Variants in TAFA4 observed in about 807,000 individuals in gnomAD.
TAFA4 encodes the protein TAFA chemokine like family member 4, also known as chemokine-like protein TAFA-4.
TAFA4 carries 20 observed loss-of-function variants against 21.1 expected under a neutral mutation model. The observed-to-expected ratio is 0.95, with a 90% CI of 0.67 to 1.38. The LOEUF (loss-of-function observed/expected upper bound fraction) is 1.38, where lower values mean the gene tolerates loss of function less well. Ranked by LOEUF, TAFA4 falls within the 40% of genes most tolerant of loss-of-function variation. The pLI, the probability that TAFA4 is intolerant of heterozygous loss-of-function variation, is 0.00. For synonymous variants in TAFA4, 71 were observed against 67.4 expected (o/e 1.05, Z -0.26); for missense variants, 211 against 180.9 (o/e 1.17, Z -0.95).
intron 3 of TAFA4, among the ~76,000 whole-genome samples, chr3:68,833,706 A>T (rs963093131): frequency 6.6e-6 from 1 of 152,180 alleles, no homozygotes; most frequent in Admixed American, 6.5e-5. Context: ...CTTAACTGAC[A>T]TCCACTCTTA....
chr3:68,810,853 T>C (rs981701127), intron 3 of TAFA4, among the ~76,000 whole-genome samples: 2 of 152,200 alleles, frequency 1.3e-5, no homozygotes, highest in Non-Finnish European at 1.5e-5. Context: ...GCTGGATATC[T>C]GAGAACGGAC....
intron 3 of TAFA4, among the ~76,000 whole-genome samples, chr3:68,820,432 A>T (rs1704088128): frequency 6.6e-6 from 1 of 152,106 alleles, no homozygotes; most frequent in Non-Finnish European, 1.5e-5. Context: ...CAATCTCAGC[A>T]CTTTGGGAGG....
intron 1 of TAFA4, among the ~76,000 whole-genome samples, chr3:68,924,038 T>C (rs945695650): frequency 2.6e-5 from 4 of 152,130 alleles, no homozygotes; most frequent in Non-Finnish European, 4.4e-5. Flanking sequence ...TACAATAAAA[T>C]GGCACAGCTA....
intron 1 of TAFA4, among the ~76,000 whole-genome samples, chr3:68,925,203 CTG>C (rs1559565357): frequency 6.6e-6 from 1 of 151,978 alleles, no homozygotes; most frequent in Non-Finnish European, 1.5e-5. Context: ...ATGGATATCT[CTG>C]TGTGTGCGTG....
At chr3:68,738,977 C>A in intron 5 of TAFA4, 98 bp downstream of exon 5, 1 of 1,524,434 alleles carries the variant, frequency 6.6e-7, no homozygotes, top group South Asian at 1.3e-5. Flanking sequence ...GGTTTATTAA[C>A]ACATAATAAT....
intron 1 of TAFA4, among the ~76,000 whole-genome samples, chr3:68,911,541 A>C (rs1022805676): frequency 1.3e-5 from 2 of 152,234 alleles, no homozygotes; most frequent in Non-Finnish European, 2.9e-5. Context: ...GCTCAAGGCC[A>C]CACAAATCGC....
chr3:68,860,099 T>C (rs1160292914), intron 3 of TAFA4, among the ~76,000 whole-genome samples: 2 of 152,108 alleles, frequency 1.3e-5, no homozygotes, highest in Admixed American at 6.6e-5. Context: ...AAATTACAAT[T>C]TGACAGAGTC....
chr3:68,740,412 A>G (rs1406097347), intron 4 of TAFA4, among the ~76,000 whole-genome samples: 1 of 152,200 alleles, frequency 6.6e-6, no homozygotes, highest in Non-Finnish European at 1.5e-5. Context: ...CTTAAAGTCA[A>G]TTACAAGAAG....
chr3:68,836,293 C>T (rs1214469738), intron 3 of TAFA4, among the ~76,000 whole-genome samples: 2 of 152,174 alleles, frequency 1.3e-5, no homozygotes, highest in Non-Finnish European at 2.9e-5. Context: ...TTTGCCAAAC[C>T]ACAGCTTTAC....
intron 3 of TAFA4, among the ~76,000 whole-genome samples, chr3:68,799,765 C>G (rs1255940467): frequency 1.2e-5 from 1 of 80,774 alleles, no homozygotes; most frequent in Non-Finnish European, 3.0e-5. Context: ...TGTCTCCAAC[C>G]CCTGGGCCAT....
intron 1 of TAFA4, among the ~76,000 whole-genome samples, chr3:68,899,802 C>T (rs1003643813): frequency 2.0e-5 from 3 of 152,024 alleles, no homozygotes. Flanking sequence ...CTAGTTTATG[C>T]CTTCAAGGTA....
chr3:68,882,195 G>C (rs2089626710), intron 2 of TAFA4, among the ~76,000 whole-genome samples: 1 of 152,054 alleles, frequency 6.6e-6, no homozygotes, highest in Non-Finnish European at 1.5e-5. Flanking sequence ...TTGCAATGCA[G>C]CAATAAAAAA....
intron 1 of TAFA4, among the ~76,000 whole-genome samples, chr3:68,886,504 T>A (rs934697584): frequency 4.6e-5 from 7 of 152,246 alleles, no homozygotes; most frequent in African/African-American, 1.7e-4. Context: ...GAACTCATCA[T>A]AATGAACTCC....
chr3:68,731,990 A>G lies in TAFA4; in HGVS notation c.*1152T>C, dbSNP rs1465817647. The G allele has an allele frequency of 2.6e-5, 4 of 152,366 alleles. No homozygotes were observed. The highest frequency in any genetic ancestry group is 1.3e-4 in the Admixed American group (2 of 15,274). The allele number at this position is 152,366 out of a possible 1,614,324, so 9.4% of individuals were successfully genotyped here. A position where few individuals can be genotyped will look rare whatever the true frequency, so the allele number is the denominator to read the frequency against. ...AACTATGTTTTTGGCATTTCTTAATATATAAAATTCATCCCATATTTTTAC... is the reference window on the plus strand; with the variant it reads ...AACTATGTTTTTGGCATTTCTTAATGTATAAAATTCATCCCATATTTTTAC... On this transcript the variant is annotated 3_prime_UTR_variant, in exon 6 of 6. Transcript: ENST00000295569.
intron 3 of TAFA4, among the ~76,000 whole-genome samples, chr3:68,766,391 A>ATGTGT (rs1702855506): frequency 6.6e-6 from 1 of 152,170 alleles, no homozygotes. Context: ...CATCAAATCC[A>ATGTGT]GGTAATAAGG....
chr3:68,861,030 A>ACCCCCCCCCCCCCC (rs113804738), intron 3 of TAFA4, among the ~76,000 whole-genome samples: 6 of 111,008 alleles, frequency 5.4e-5, no homozygotes, highest in African/African-American at 9.7e-5. Flanking sequence ...TTAAATATGC[A>ACCCCCCCCCCCCCC]CCCCCCCCCC....
chr3:68,821,020 C>G (rs1395335418), intron 3 of TAFA4, among the ~76,000 whole-genome samples: 1 of 152,204 alleles, frequency 6.6e-6, no homozygotes, highest in Admixed American at 6.5e-5. Flanking sequence ...TACCCACGGA[C>G]TTAGTAGTAT....
chr3:68,931,261 G>A (rs775500711), intron 1 of TAFA4, among the ~76,000 whole-genome samples: 2 of 152,050 alleles, frequency 1.3e-5, no homozygotes, highest in African/African-American at 4.8e-5. Flanking sequence ...GGATAAAGAC[G>A]TTAAACCAAA....
chr3:68,742,758 C>T (rs573686246), intron 4 of TAFA4, among the ~76,000 whole-genome samples: 2 of 152,184 alleles, frequency 1.3e-5, no homozygotes, highest in East Asian at 1.9e-4. Context: ...TGTACTTCAT[C>T]GAAATGAAAA....
Sources: gnomAD v4.1 joint callset for allele counts (sites outside exome capture counted in the v4.1 genomes callset) on GRCh38, gnomAD v4.1.1 for gene constraint, MANE v1.5 for transcripts, NCBI Gene and HGNC (gene_info 2026-07-23, HGNC 2026-07-21) for gene names.